SPATA13: variants seen among roughly 807,000 people sequenced by gnomAD.
The protein encoded by SPATA13 is spermatogenesis associated 13.
In SPATA13, 50 loss-of-function variants were observed where a neutral mutation model predicts 104.0. That is an observed-to-expected ratio of 0.48 (90% CI 0.38 to 0.61). The LOEUF is 0.61. SPATA13 is among the 20% of genes least tolerant of loss of function. SPATA13 has a pLI of 0.00. For synonymous variants in SPATA13, 606 were observed against 667.5 expected (o/e 0.91, Z 1.42); for missense variants, 1,524 against 1,690.6 (o/e 0.90, Z 1.73).
At chr13:24,122,140 A>G in intron 3 of SPATA13, 1 of 1,611,186 alleles carries the variant, frequency 6.2e-7, no homozygotes, top group East Asian at 2.2e-5. Context: ...TGTATCCTCC[A>G]TGCTTCTCAA....
intron 1 of SPATA13, among the ~76,000 whole-genome samples, chr13:24,181,450 C>A (rs1868800946): frequency 1.3e-5 from 2 of 152,056 alleles, no homozygotes; most frequent in African/African-American, 4.8e-5. Flanking sequence ...TTCTTTATAG[C>A]CTTATTCTTC....
chr13:24,162,999 G>A (rs1231788636), intron 1 of SPATA13, among the ~76,000 whole-genome samples: 2 of 152,216 alleles, frequency 1.3e-5, no homozygotes, highest in East Asian at 1.9e-4. Context: ...ACCTAATGCC[G>A]GCTGTCCCTC....
chr13:24,289,889 G>C (rs1460504161), intron 8 of SPATA13, among the ~76,000 whole-genome samples: 1 of 152,176 alleles, frequency 6.6e-6, no homozygotes, highest in Non-Finnish European at 1.5e-5. Flanking sequence ...TCACTTCCTG[G>C]GTGCTGGGCT....
At chr13:24,060,975 G>T (rs1183388770) in intron 3 of SPATA13, among the ~76,000 whole-genome samples, 1 of 152,134 alleles carries the variant, frequency 6.6e-6, no homozygotes, top group Non-Finnish European at 1.5e-5. Flanking sequence ...GGAGGCGGAG[G>T]TTGCAGTGAG....
intron 3 of SPATA13, among the ~76,000 whole-genome samples, chr13:24,149,523 T>A (rs149417546): frequency 6.6e-6 from 1 of 152,188 alleles, no homozygotes; most frequent in Non-Finnish European, 1.5e-5. Context: ...AATCCCTGGT[T>A]GACTCTAGTG....
chr13:24,047,287 C>T (rs1268790559), intron 3 of SPATA13, among the ~76,000 whole-genome samples: 6 of 152,206 alleles, frequency 3.9e-5, no homozygotes, highest in Admixed American at 3.9e-4. Flanking sequence ...TGACCTCTGG[C>T]CACATCTCCT....
At position 24,297,452 on chromosome 13, in the gene SPATA13, G is replaced by T. The variant is rs749041468; in HGVS notation, c.3300G>T (p.Thr1100=). 2 of 1,614,184 alleles carry T rather than the reference G, an allele frequency of 1.2e-6. No homozygotes were observed. The highest frequency in any genetic ancestry group is 1.1e-5 in the South Asian group (1 of 91,084). Reference sequence around the variant, plus strand: ...AGCAAGGCAAAAGCCAGCAGCGGACGTTCTTCCTGTTTGACCACCAGCTGG... The same window carrying T: ...AGCAAGGCAAAAGCCAGCAGCGGACTTTCTTCCTGTTTGACCACCAGCTGG... ...ITKQGKSQQR[T]FFLFDHQLVS... The change falls in exon 11 of 13, where the codon ACG becomes ACT. Residue 1100 remains threonine, a synonymous_variant. Coordinates refer to ENST00000382108, the MANE Select transcript of SPATA13 (RefSeq NM_001166271.3).
chr13:24,294,193 G>T (rs1876595382), intron 9 of SPATA13, among the ~76,000 whole-genome samples: 1 of 152,224 alleles, frequency 6.6e-6, no homozygotes, highest in Non-Finnish European at 1.5e-5. Flanking sequence ...TGGACGGAAA[G>T]CACCAGAAAG....
chr13:24,107,125 A>T (rs757751863), intron 3 of SPATA13, among the ~76,000 whole-genome samples: 1 of 150,916 alleles, frequency 6.6e-6, no homozygotes, highest in South Asian at 2.1e-4. Context: ...TTACAGCTCT[A>T]TCAGGTGAAG....
chr13:24,279,211 G>A (rs2138716440), intron 4 of SPATA13, among the ~76,000 whole-genome samples: 1 of 152,312 alleles, frequency 6.6e-6, no homozygotes, highest in Middle Eastern at 3.4e-3. Context: ...AGGTGAGAGA[G>A]GGAGCCAGTG....
At position 24,286,735 on chromosome 13, in the gene SPATA13, A is replaced by G; in HGVS notation, c.2482-30A>G. The G allele has an allele frequency of 6.2e-7, 1 of 1,605,774 alleles. No individual in the cohort carries two copies. The highest frequency in any genetic ancestry group is 8.5e-7 in the Non-Finnish European group (1 of 1,174,962). ...CTCCATGCTGCCCTCCCCTGCCCCA[A>G]GTCACCTGTCCCCTGTATGTGGGTT... On this transcript the variant is annotated intron_variant, in intron 6 of 12. Coordinates refer to ENST00000382108, the MANE Select transcript of SPATA13 (RefSeq NM_001166271.3). The surrounding 1 kb of genome is among the most constrained non-coding windows in gnomAD (Gnocchi z 4.9).
Position 24,250,455 on chromosome 13 carries a change from A to G in SPATA13, c.2019+613A>G, listed in dbSNP as rs17080529. Among the ~76,000 whole-genome samples, 18 of 152,330 alleles carry G rather than the reference A, an allele frequency of 1.2e-4. No individual in the cohort carries two copies. In the East Asian group the frequency reaches 2.3e-3, roughly 20 times the overall value. ...TACAAAACATTTAATTAAAGACCCTATCTTGGAGAAGTGTATACTTATTTG... is the reference window on the plus strand; with the variant it reads ...TACAAAACATTTAATTAAAGACCCTGTCTTGGAGAAGTGTATACTTATTTG... On this transcript the variant is annotated intron_variant, in intron 3 of 12. Transcript: ENST00000382108.
At chr13:24,195,343 C>A (rs1050336788) in intron 1 of SPATA13, among the ~76,000 whole-genome samples, 1 of 152,098 alleles carries the variant, frequency 6.6e-6, no homozygotes, top group Non-Finnish European at 1.5e-5. Flanking sequence ...TTTTGTTTAT[C>A]CGTGCATCGG....
chr13:24,068,944 C>T (rs1879064670), intron 3 of SPATA13, among the ~76,000 whole-genome samples: 2 of 152,080 alleles, frequency 1.3e-5, no homozygotes, highest in South Asian at 4.1e-4. Context: ...AATATTTTCT[C>T]CCATTCCGTA....
At chr13:24,253,250 T>A (rs1873599738) in intron 4 of SPATA13, 1 of 152,098 alleles carries the variant, frequency 6.6e-6, no homozygotes, top group Admixed American at 6.5e-5. Flanking sequence ...GACAGTACTA[T>A]AAAGAAAAAT....
rs533029861 is a variant in SPATA13 at position 24,264,977 on chromosome 13, C to T, written c.2164+13115C>T. Among the ~76,000 whole-genome samples the T allele has an allele frequency of 1.1e-4, 17 of 152,290 alleles. 1 individual carries two copies. The South Asian group carries it at 3.5e-3, about 32-fold the overall frequency. On this transcript the variant is annotated intron_variant, in intron 4 of 12. Coordinates refer to ENST00000382108, the MANE Select transcript of SPATA13 (RefSeq NM_001166271.3). ...GAATGATGAAGGGGTTCATTGAAGC[C>T]GCTGAGAGCACATATTCGCTGGTTT...
At chr13:24,211,838 C>T (rs930734033) in intron 1 of SPATA13, among the ~76,000 whole-genome samples, 5 of 152,184 alleles carry the variant, frequency 3.3e-5, no homozygotes, top group African/African-American at 1.2e-4. Context: ...TGCCTGTCGT[C>T]CTCCAGCTGG....
chr13:24,159,661 A>C (rs904739749), upstream of SPATA13, among the ~76,000 whole-genome samples: 4 of 152,240 alleles, frequency 2.6e-5, no homozygotes, highest in African/African-American at 9.6e-5. Context: ...TGAGAAATGC[A>C]TAATGACATG....
chr13:24,036,192 T>C (rs1223665086), intron 3 of SPATA13, among the ~76,000 whole-genome samples: 1 of 152,202 alleles, frequency 6.6e-6, no homozygotes, highest in South Asian at 2.1e-4. Flanking sequence ...TTCCATATTG[T>C]TATGAAAGTA....
Sources: gnomAD v4.1 joint callset for allele counts (sites outside exome capture counted in the v4.1 genomes callset) on GRCh38, gnomAD v4.1.1 for gene constraint, Gnocchi (gnomAD v3.1) non-coding constraint, MANE v1.5 for transcripts, NCBI Gene and HGNC (gene_info 2026-07-23, HGNC 2026-07-21) for gene names.